The following OGDHL variants were observed in gnomAD, a reference collection of about 807,000 sequenced individuals.
The protein encoded by OGDHL is 2-oxoglutarate dehydrogenase-like, mitochondrial.
Under a neutral mutation model 109.6 loss-of-function variants are expected in OGDHL, and 79 were observed. The observed-to-expected ratio is 0.72, with a 90% CI of 0.60 to 0.87. The LOEUF (loss-of-function observed/expected upper bound fraction) is 0.87. Among genes scored for constraint, OGDHL ranks in the 40% least tolerant of loss-of-function variants. The pLI is 0.00. For synonymous variants in OGDHL, 528 were observed against 537.2 expected (o/e 0.98, Z 0.24); for missense variants, 1,275 against 1,362.2 (o/e 0.94, Z 1.01).
intron 12 of OGDHL, 91 bp from the exon 13 acceptor site, chr10:49,744,843 C>G (rs1842060553): frequency 9.8e-7 from 1 of 1,021,514 alleles, no homozygotes; most frequent in East Asian, 2.4e-5. Flanking sequence ...TGGTCCCCAT[C>G]ACCAAGTTCT....
At chr10:49,743,163 C>T (rs1841918260) in intron 14 of OGDHL, among the ~76,000 whole-genome samples, 185 bp from the exon 15 acceptor site, 2 of 152,224 alleles carry the variant, frequency 1.3e-5, no homozygotes, top group South Asian at 2.1e-4. Context: ...GGGGCTACCC[C>T]GAGCCTGTGG....
Position 49,750,999 on chromosome 10 carries a change from G to A in OGDHL, c.750-14C>T. ...AAGTCTTCAAACCTGCTTGGGGAGA[G>A]GATGGGAAGAGGAAAGGGAAAGGGA... is the stretch of plus-strand genomic sequence containing the variant. On this transcript the variant is annotated splice_polypyrimidine_tract_variant and intron_variant, in intron 6 of 22. Transcript: ENST00000374103. 1 of 1,585,014 alleles carries A rather than the reference G, an allele frequency of 6.3e-7. No homozygotes were observed. The highest frequency in any genetic ancestry group is 8.6e-7 in the Non-Finnish European group (1 of 1,160,152).
In OGDHL at chr10:49,739,791, C is replaced by A. The variant is rs1036718892; in HGVS notation, c.2189G>T (p.Trp730Leu). The A allele has an allele frequency of 1.9e-6, 3 of 1,614,160 alleles. No homozygotes were observed. The highest frequency in any genetic ancestry group is 2.5e-6 in the Non-Finnish European group (3 of 1,179,986). The part of the protein sequence containing the change: ...AMASPNALVL[W>L]EAQFGDFHNT... ...GTGGAAGTCCCCAAACTGGGCCTCCCAGAGGACCAGGGCATTGGGGCTGGC... is the reference window on the plus strand; with the variant it reads ...GTGGAAGTCCCCAAACTGGGCCTCCAAGAGGACCAGGGCATTGGGGCTGGC... Residue 730 changes from tryptophan to leucine, a missense_variant, in exon 17 of 23, where the codon TGG (tryptophan) becomes TTG (leucine). Trp to Leu is a moderately conservative substitution (Grantham distance 61, BLOSUM62 -2). Coordinates refer to ENST00000374103, the MANE Select transcript of OGDHL (RefSeq NM_018245.3).
At chr10:49,746,728 A>G (rs1042271342) in intron 10 of OGDHL, 22 bp downstream of exon 10, 1 of 1,613,074 alleles carries the variant, frequency 6.2e-7, no homozygotes, top group Non-Finnish European at 8.5e-7. Flanking sequence ...TGTGAGGCCC[A>G]GCGTGGAGCC....
chr10:49,745,335 C>T lies in OGDHL; in HGVS notation c.1629+9G>A. Reference sequence around the variant, plus strand: ...TTGTCTTGGGCGCCCCTGCAGCCTGCCTGCCCACCTCAAACTCCTGCAGGG... The same window carrying T: ...TTGTCTTGGGCGCCCCTGCAGCCTGTCTGCCCACCTCAAACTCCTGCAGGG... On this transcript the variant is annotated intron_variant, in intron 12 of 22. Transcript: ENST00000374103. The T allele has an allele frequency of 6.2e-7, 1 of 1,612,986 alleles. No individual in the cohort carries two copies. Among genetic ancestry groups the T allele is most frequent in the Non-Finnish European group, 8.5e-7 (1 of 1,179,862 alleles).
chr10:49,754,590 T>A (rs1282860223), intron 3 of OGDHL, among the ~76,000 whole-genome samples: 1 of 151,694 alleles, frequency 6.6e-6, no homozygotes, highest in Non-Finnish European at 1.5e-5. Context: ...TTGCAACCCC[T>A]AGTGAGTTAA....
intron 12 of OGDHL, 71 bp downstream of exon 12, chr10:49,745,273 A>C: frequency 6.4e-7 from 1 of 1,569,214 alleles, no homozygotes; most frequent in East Asian, 2.2e-5. Flanking sequence ...TGGGCTGGTA[A>C]CATCTACAAC....
intron 21 of OGDHL, 58 bp from the exon 22 acceptor site, chr10:49,736,235 C>T: frequency 6.4e-7 from 1 of 1,570,688 alleles, no homozygotes; most frequent in South Asian, 1.2e-5. Flanking sequence ...TCCCCAGCAC[C>T]CCCGGACAGG....
chr10:49,747,188 G>T lies in OGDHL; in HGVS notation c.1008C>A (p.Tyr336Ter). The part of the protein sequence containing the change: ...AADEGSGDVK[Y>*]HLGMYHERIN... ...TCCTCTCATGGTACATGCCCAGGTG[G>T]TACTTGACATCCCCGGAGCCCTGAA... The change falls in exon 9 of 23, where the codon TAC becomes TAA. Residue 336 changes from tyrosine (Y) to a stop codon, truncating the protein, a stop_gained. Transcript: ENST00000374103. LOFTEE classifies it high-confidence loss of function. The T allele has an allele frequency of 6.2e-7, 1 of 1,614,142 alleles. No homozygotes were observed. The highest frequency in any genetic ancestry group is 8.5e-7 in the Non-Finnish European group (1 of 1,179,990).
rs36032010 is a variant in OGDHL, at chr10:49,744,055, C to G, written c.1800G>C (p.Met600Ile). 0.042 allele frequency: 67,559 copies of G among 1,614,064 alleles called. 1,718 individuals are homozygous for G. The highest frequency in any genetic ancestry group is 0.051 in the Non-Finnish European group (59,852 of 1,179,946). Residue 600 changes from methionine to isoleucine, a missense_variant, in exon 14 of 23, where the codon ATG becomes ATC. By Grantham distance (10) the Met-to-Ile change is conservative. Coordinates refer to ENST00000374103, the MANE Select transcript of OGDHL (RefSeq NM_018245.3). ...TGGCCACACTGCCGATGTGGGTGAG[C>G]ATGTCCTCAGGGATCCCCGTGGCTG... ...TCPATGIPED[M>I]LTHIGSVASS... is the part of the protein sequence containing the mutation.
At position 49,743,965 on chromosome 10, in the gene OGDHL, C is replaced by T. The variant is rs1179732326; in HGVS notation, c.1861+29G>A. On this transcript the variant is annotated intron_variant, in intron 14 of 22. Coordinates refer to ENST00000374103, the MANE Select transcript of OGDHL (RefSeq NM_018245.3). Reference sequence around the variant, plus strand: ...ACAGTGTTGGGGTGGGGCCAGCAGCCTGGGCTGCAGCCTGTCCAGCAACCT... The same window carrying T: ...ACAGTGTTGGGGTGGGGCCAGCAGCTTGGGCTGCAGCCTGTCCAGCAACCT... 3 of 1,605,010 alleles carry T rather than the reference C, an allele frequency of 1.9e-6. No homozygotes were observed. The South Asian group carries it at 3.3e-5, about 18-fold the overall frequency.
At chr10:49,743,908 C>T (rs905509340) in intron 14 of OGDHL, 86 bp downstream of exon 14, 3 of 1,519,340 alleles carry the variant, frequency 2.0e-6, no homozygotes, top group African/African-American at 2.7e-5. Flanking sequence ...CACACCATCT[C>T]TCTTGCATCC....
At position 49,744,770 on chromosome 10, in the gene OGDHL, A is replaced by T. The variant is rs776439235; in HGVS notation, c.1630-18T>A. The T allele has an allele frequency of 6.3e-7, 1 of 1,599,800 alleles. No individual in the cohort carries two copies. The highest frequency in any genetic ancestry group is 1.3e-5 in the African/African-American group (1 of 74,630). The stretch of plus-strand genomic sequence containing the variant: ...ATTTCTTCCTGGAATCAGGATGAAG[A>T]TGTGGACAGAGCACCAAAGCCCTGC... On this transcript the variant is annotated intron_variant, in intron 12 of 22. Coordinates refer to ENST00000374103, the MANE Select transcript of OGDHL (RefSeq NM_018245.3).
intron 1 of OGDHL, among the ~76,000 whole-genome samples, chr10:49,759,242 G>A (rs934079606): frequency 1.1e-4 from 17 of 152,086 alleles, no homozygotes; most frequent in Non-Finnish European, 2.2e-4. Flanking sequence ...GAAGGCTGGT[G>A]ACACTAGGCC....
At position 49,762,290 on chromosome 10, in the gene OGDHL, AG is replaced by A. The variant is rs907984409; in HGVS notation, c.-54del. On this transcript the variant is annotated 5_prime_UTR_variant, in exon 1 of 23. Transcript: ENST00000374103. ...CAGCGAGGTCCGGAGGCTGCAGGTCAGGGGGCTGCGCGGAAGGGGTGCGCGC... is the reference window on the plus strand; with the variant it reads ...CAGCGAGGTCCGGAGGCTGCAGGTCAGGGGCTGCGCGGAAGGGGTGCGCGC... 1 of 152,052 alleles carries A rather than the reference AG, an allele frequency of 6.6e-6. No homozygotes were observed. Among genetic ancestry groups the A allele is most frequent in the Non-Finnish European group, 1.5e-5 (1 of 67,974 alleles). The allele number at this position is 152,052 out of a possible 1,614,324, so 9.4% of individuals were successfully genotyped here. A position where few individuals can be genotyped will look rare whatever the true frequency, so the allele number is the denominator to read the frequency against.
In OGDHL at chr10:49,734,999, G is replaced by T; in HGVS notation, c.*229C>A. The T allele has an allele frequency of 2.7e-6, 1 of 369,344 alleles. No individual in the cohort carries two copies. Among genetic ancestry groups the T allele is most frequent in the Non-Finnish European group, 4.8e-6 (1 of 208,838 alleles). 22.9% of individuals were successfully genotyped at this position (369,344 alleles called of 1,614,324 possible). Reference sequence around the variant, plus strand: ...AGCAAGATGGGAGCAGCTGGGGGATGCTCCAGCACAGTAGCCTGCCTATAG... The same window carrying T: ...AGCAAGATGGGAGCAGCTGGGGGATTCTCCAGCACAGTAGCCTGCCTATAG... On this transcript the variant is annotated 3_prime_UTR_variant, in exon 23 of 23. Coordinates refer to ENST00000374103, the MANE Select transcript of OGDHL (RefSeq NM_018245.3).
chr10:49,756,102 T>C (rs930881426), intron 3 of OGDHL, among the ~76,000 whole-genome samples: 1 of 152,248 alleles, frequency 6.6e-6, no homozygotes, highest in Non-Finnish European at 1.5e-5. Context: ...AATGCCCCCC[T>C]GTACCCTAGC....
intron 15 of OGDHL, among the ~76,000 whole-genome samples, chr10:49,742,370 CCCACAA>C (rs1841793212): frequency 2.8e-5 from 3 of 107,398 alleles, no homozygotes; most frequent in East Asian, 5.5e-4. Flanking sequence ...ACACCACACA[CCCACAA>C]ATACACACCA....
chr10:49,749,390 G>A (rs1186843021), intron 8 of OGDHL, among the ~76,000 whole-genome samples: 10 of 152,170 alleles, frequency 6.6e-5, no homozygotes, highest in Admixed American at 2.0e-4. Flanking sequence ...TTCCTGGCTG[G>A]TGGACAGGAC....
Sources: gnomAD v4.1 joint callset for allele counts (sites outside exome capture counted in the v4.1 genomes callset) on GRCh38, gnomAD v4.1.1 for gene constraint, MANE v1.5 for transcripts, NCBI Gene and HGNC (gene_info 2026-07-23, HGNC 2026-07-21) for gene names.